Variants in LNX2 observed in about 807,000 individuals in gnomAD.
The protein encoded by LNX2 is ligand of Numb protein X 2.
Under a neutral mutation model 66.2 loss-of-function variants are expected in LNX2, and 35 were observed. The observed-to-expected ratio is 0.53, with a 90% CI of 0.40 to 0.70. The LOEUF (loss-of-function observed/expected upper bound fraction) is 0.70. LNX2 is among the 30% of genes least tolerant of loss of function. The probability of loss-of-function intolerance (pLI) is 0.00; values close to 1 mark genes in which losing one functional copy is unlikely to be tolerated. For synonymous variants in LNX2, 337 were observed against 315.6 expected (o/e 1.07, Z -0.72); for missense variants, 791 against 850.8 (o/e 0.93, Z 0.87).
chr13:27,555,264 G>A (rs747901999), intron 7 of LNX2, among the ~76,000 whole-genome samples: 1 of 152,254 alleles, frequency 6.6e-6, no homozygotes. Context: ...ATCTTTTCAT[G>A]GGAAAACTGG....
intron 1 of LNX2, among the ~76,000 whole-genome samples, chr13:27,618,161 C>T (rs1303573503): frequency 6.6e-6 from 1 of 152,204 alleles, no homozygotes; most frequent in Non-Finnish European, 1.5e-5. Context: ...ACCCAGGATT[C>T]ATCCTTCCCT....
chr13:27,619,375 C>T (rs569487561), intron 1 of LNX2, among the ~76,000 whole-genome samples: 2 of 152,166 alleles, frequency 1.3e-5, no homozygotes, highest in African/African-American at 4.8e-5. Flanking sequence ...TAAAATTGAT[C>T]TACTGAGATC....
chr13:27,572,525 T>C (rs1260517314), intron 2 of LNX2, among the ~76,000 whole-genome samples: 5 of 152,234 alleles, frequency 3.3e-5, no homozygotes, highest in Non-Finnish European at 7.3e-5. Flanking sequence ...GTGTGTTTTT[T>C]AATTTTCTTA....
chr13:27,583,234 GTGTGTGTGTGTGTGTGTGTGTGC>G (rs1955434568), intron 1 of LNX2, among the ~76,000 whole-genome samples: 1 of 23,020 alleles, frequency 4.3e-5, no homozygotes, highest in Non-Finnish European at 8.6e-5. Context: ...GTGTGTGTGT[GTGTGTGTGTGTGTGTGTGTGTGC>G]GCGCGTCCTC....
chr13:27,550,813 C>A (rs1954999803), intron 8 of LNX2, among the ~76,000 whole-genome samples: 1 of 152,164 alleles, frequency 6.6e-6, no homozygotes, highest in African/African-American at 2.4e-5. Context: ...CAGCTCACTG[C>A]ATTGTCAACA....
Position 27,548,292 on chromosome 13 carries a change from T to G in LNX2, c.*43A>C. On this transcript the variant is annotated 3_prime_UTR_variant, in exon 10 of 10. Transcript: ENST00000316334. ...AAACCAAAGGGTTTTCTTTCAAAAA[T>G]CTAAAAAAGGAAGATGCAAGATTTG... is the stretch of plus-strand genomic sequence containing the variant. 2 of 1,586,852 alleles carry G rather than the reference T, an allele frequency of 1.3e-6. No homozygotes were observed. The highest frequency in any genetic ancestry group is 1.7e-6 in the Non-Finnish European group (2 of 1,164,714).
intron 2 of LNX2, among the ~76,000 whole-genome samples, chr13:27,573,778 GCAAA>G (rs764227353): frequency 5.9e-5 from 9 of 152,098 alleles, no homozygotes; most frequent in African/African-American, 1.2e-4. Flanking sequence ...GAGTCACATA[GCAAA>G]CAAACAAACA....
At chr13:27,611,784 T>C (rs7984200) in intron 1 of LNX2, among the ~76,000 whole-genome samples, 31,082 of 152,186 alleles carry the variant, frequency 0.2, 3,297 homozygotes, top group South Asian at 0.23. Context: ...CAATTTCATA[T>C]TGATGACATA....
At chr13:27,602,826 T>C (rs766867536) in intron 1 of LNX2, among the ~76,000 whole-genome samples, 10 of 152,172 alleles carry the variant, frequency 6.6e-5, no homozygotes, top group Non-Finnish European at 1.2e-4. Flanking sequence ...ATATTCTTTG[T>C]CAACATTTGA....
chr13:27,558,425 T>C (rs981513393), intron 6 of LNX2, among the ~76,000 whole-genome samples: 2 of 152,074 alleles, frequency 1.3e-5, no homozygotes, highest in East Asian at 3.9e-4. Context: ...AAAATACATG[T>C]GCCCACAACA....
chr13:27,613,880 A>G (rs1052462928), intron 1 of LNX2, among the ~76,000 whole-genome samples: 1 of 152,276 alleles, frequency 6.6e-6, no homozygotes, highest in Admixed American at 6.5e-5. Context: ...ACAAGGGCAG[A>G]GACAATCTTT....
intron 1 of LNX2, among the ~76,000 whole-genome samples, chr13:27,616,840 C>T (rs142789122): frequency 2.1e-3 from 326 of 152,304 alleles, no homozygotes; most frequent in African/African-American, 7.4e-3. Context: ...ACCTCTAGCT[C>T]CCGGGTTCAA....
chr13:27,609,148 A>ATTTTTTTTTTTTTTTTTTTTTT (rs34922531), intron 1 of LNX2, among the ~76,000 whole-genome samples: 1 of 56,482 alleles, frequency 1.8e-5, no homozygotes, highest in Non-Finnish European at 4.3e-5. Context: ...ACCAACAGTG[A>ATTTTTTTTTTTTTTTTTTTTTT]TTTTTTTTTT....
chr13:27,602,289 C>T lies in LNX2; in HGVS notation c.-101+18086G>A, dbSNP rs59403156. On this transcript the variant is annotated intron_variant, in intron 1 of 9. Coordinates refer to ENST00000316334, the MANE Select transcript of LNX2 (RefSeq NM_153371.4). ...ACATTAATTAAGCTTTTGCTAAATGCATACAACTATGGAACGCAAATCCCT... is the reference window on the plus strand; with the variant it reads ...ACATTAATTAAGCTTTTGCTAAATGTATACAACTATGGAACGCAAATCCCT... Among the ~76,000 whole-genome samples, 491 of 152,208 alleles carry T rather than the reference C, an allele frequency of 3.2e-3. 1 individual carries two copies. The highest frequency in any genetic ancestry group is 0.011 in the African/African-American group (447 of 41,528).
At chr13:27,588,952 G>A (rs1371082726) in intron 1 of LNX2, among the ~76,000 whole-genome samples, 2 of 152,280 alleles carry the variant, frequency 1.3e-5, no homozygotes, top group Non-Finnish European at 2.9e-5. Context: ...GAGCTCACAT[G>A]TGAGGTCTGG....
chr13:27,559,357 C>T (rs897058248), intron 6 of LNX2, among the ~76,000 whole-genome samples: 2 of 145,054 alleles, frequency 1.4e-5, no homozygotes, highest in Admixed American at 6.8e-5. Context: ...CGTAAATATG[C>T]TATATATGTA....
intron 1 of LNX2, among the ~76,000 whole-genome samples, chr13:27,583,931 A>G (rs189944168): frequency 2.6e-5 from 4 of 152,224 alleles, no homozygotes; most frequent in Admixed American, 6.5e-5. Context: ...GGAAAAAAAA[A>G]CATGGGACTG....
chr13:27,568,513 T>C (rs1955233980), intron 3 of LNX2, among the ~76,000 whole-genome samples: 2 of 151,996 alleles, frequency 1.3e-5, no homozygotes, highest in Non-Finnish European at 2.9e-5. Context: ...ACAAACCCAG[T>C]CATTTACTGG....
chr13:27,562,855 T>C lies in LNX2; in HGVS notation c.856-74A>G. On this transcript the variant is annotated intron_variant, in intron 4 of 9. Coordinates refer to ENST00000316334, the MANE Select transcript of LNX2 (RefSeq NM_153371.4). ...AATTTGTAGGAATGTTTATGTGACA[T>C]TTCCACAGGAAACTAAGTATTGTGA... 3.4e-6 allele frequency: 5 copies of C among 1,458,328 alleles called. No individual in the cohort carries two copies. The South Asian group carries it at 6.6e-5, about 19-fold the overall frequency. The allele number at this position is 1,458,328 out of a possible 1,614,324, so 90.3% of individuals were successfully genotyped here.
Sources: gnomAD v4.1 joint callset for allele counts (sites outside exome capture counted in the v4.1 genomes callset) on GRCh38, gnomAD v4.1.1 for gene constraint, MANE v1.5 for transcripts, NCBI Gene and HGNC (gene_info 2026-07-23, HGNC 2026-07-21) for gene names.